The following COBLL1 variants were observed in gnomAD, a reference collection of about 807,000 sequenced individuals.
COBLL1 encodes cordon-bleu protein-like 1.
COBLL1 carries 50 observed loss-of-function variants against 94.8 expected under a neutral mutation model. The ratio of observed to expected loss-of-function variants is 0.53; its 90% CI spans 0.42 to 0.67. The LOEUF (loss-of-function observed/expected upper bound fraction) is 0.67, where lower values mean the gene tolerates loss of function less well. COBLL1 is among the 30% of genes least tolerant of loss of function. The probability of loss-of-function intolerance (pLI) is 0.00; values close to 1 mark genes in which losing one functional copy is unlikely to be tolerated. For missense variants in COBLL1, 1,362 were observed against 1,348.7 expected, an observed-to-expected ratio of 1.01 and a Z score of -0.15; for synonymous variants, 448 against 473.8, an observed-to-expected ratio of 0.95 and a Z score of 0.71.
Position 164,702,173 on chromosome 2 carries a change from A to G in COBLL1, c.1226-1417T>C, listed in dbSNP as rs187329072. Among the ~76,000 whole-genome samples, 415 of 152,270 alleles carry G rather than the reference A, an allele frequency of 2.7e-3. 1 individual carries two copies. Among genetic ancestry groups the G allele is most frequent in the African/African-American group, 9.5e-3 (396 of 41,556 alleles). ...GGTTTAAGTGAATATTCAAATGTAC[A>G]TATTTTGGCAAATGATGCTTTATTA... On this transcript the variant is annotated intron_variant, in intron 9 of 13. Coordinates refer to ENST00000652658, the MANE Select transcript of COBLL1 (RefSeq NM_001365672.2).
At chr2:164,745,413 C>T (rs1686812864) in intron 2 of COBLL1, among the ~76,000 whole-genome samples, 1 of 152,078 alleles carries the variant, frequency 6.6e-6, no homozygotes, top group Non-Finnish European at 1.5e-5. Context: ...AGAAGAATGC[C>T]CCCCAATTTC....
At chr2:164,688,289 G>C (rs1382211910) in intron 13 of COBLL1, among the ~76,000 whole-genome samples, 1 of 152,112 alleles carries the variant, frequency 6.6e-6, no homozygotes, top group Non-Finnish European at 1.5e-5. Flanking sequence ...GCCATCAATA[G>C]AATACTAGTT....
chr2:164,779,255 T>C (rs960588151), intron 2 of COBLL1, among the ~76,000 whole-genome samples: 1 of 152,136 alleles, frequency 6.6e-6, no homozygotes, highest in Non-Finnish European at 1.5e-5. Flanking sequence ...TTACCATAGA[T>C]CACAGGTTCT....
At chr2:164,818,637 T>G (rs1684991018) in intron 2 of COBLL1, among the ~76,000 whole-genome samples, 1 of 142,274 alleles carries the variant, frequency 7.0e-6, no homozygotes, top group South Asian at 2.1e-4. Flanking sequence ...GGCGTATATG[T>G]ACATATGTAA....
At chr2:164,765,187 G>C (rs1427086299) in intron 2 of COBLL1, among the ~76,000 whole-genome samples, 1 of 152,114 alleles carries the variant, frequency 6.6e-6, no homozygotes, top group Non-Finnish European at 1.5e-5. Flanking sequence ...CAGACATCAT[G>C]CGCTTCATGA....
chr2:164,763,255 C>T (rs1408852552), intron 2 of COBLL1, among the ~76,000 whole-genome samples: 3 of 151,682 alleles, frequency 2.0e-5, no homozygotes, highest in Non-Finnish European at 4.4e-5. Context: ...AAATATACTT[C>T]GTACGTATCA....
In COBLL1 at chr2:164,684,189, T is replaced by C. The variant is rs1361880669; in HGVS notation, c.*1757A>G. On this transcript the variant is annotated 3_prime_UTR_variant, in exon 14 of 14. Coordinates refer to ENST00000652658, the MANE Select transcript of COBLL1 (RefSeq NM_001365672.2). The stretch of plus-strand genomic sequence containing the variant: ...TATTTTTTTTCCATGTTTGTTGGCC[T>C]TTTGAATTTCCTCTTGTAAGAATAA... 2.0e-5 allele frequency: 3 copies of C among 152,144 alleles called. No homozygotes were observed. Among genetic ancestry groups the C allele is most frequent in the Non-Finnish European group, 4.4e-5 (3 of 68,006 alleles). 9.4% of individuals were successfully genotyped at this position (152,144 alleles called of 1,614,324 possible). A position where few individuals can be genotyped will look rare whatever the true frequency, so the allele number is the denominator to read the frequency against.
chr2:164,754,495 A>G (rs1246014295), intron 2 of COBLL1, among the ~76,000 whole-genome samples: 1 of 152,224 alleles, frequency 6.6e-6, no homozygotes, highest in Non-Finnish European at 1.5e-5. Context: ...TCTCAGGCCA[A>G]TAGTCACAAG....
chr2:164,686,764 A>G (rs2105407906), intron 13 of COBLL1, among the ~76,000 whole-genome samples: 1 of 152,288 alleles, frequency 6.6e-6, no homozygotes, highest in African/African-American at 2.4e-5. Flanking sequence ...TGAATAGTAA[A>G]TACCTATATT....
intron 2 of COBLL1, among the ~76,000 whole-genome samples, chr2:164,837,852 A>T (rs578065341): frequency 6.6e-6 from 1 of 152,306 alleles, no homozygotes; most frequent in South Asian, 2.1e-4. Context: ...ATACAGAACA[A>T]CAAATATAAA....
At chr2:164,736,968 A>AT (rs1366980914) in intron 3 of COBLL1, among the ~76,000 whole-genome samples, 1 of 152,178 alleles carries the variant, frequency 6.6e-6, no homozygotes, top group African/African-American at 2.4e-5. Context: ...TTTCTAAAAC[A>AT]TCTAACTATT....
chr2:164,790,764 GAAAGTTGTAAGACTCCAC>G (rs1559019202), intron 2 of COBLL1, among the ~76,000 whole-genome samples: 1 of 152,142 alleles, frequency 6.6e-6, no homozygotes, highest in African/African-American at 2.4e-5. Flanking sequence ...AGTAAAGAAA[GAAAGTTGTAAGACTCCAC>G]AAGGAACTCC....
At chr2:164,737,036 A>T (rs1686344673) in intron 3 of COBLL1, among the ~76,000 whole-genome samples, 1 of 152,140 alleles carries the variant, frequency 6.6e-6, no homozygotes, top group South Asian at 2.1e-4. Flanking sequence ...GGTGGCTCAC[A>T]TCTGTAATCC....
At chr2:164,801,438 CAAAAAAAAAAA>C (rs143505097) in intron 2 of COBLL1, among the ~76,000 whole-genome samples, 3 of 28,208 alleles carry the variant, frequency 1.1e-4, no homozygotes, top group East Asian at 1.3e-3. Flanking sequence ...GACTCCGTCT[CAAAAAAAAAAA>C]AAAAAAAAAA....
chr2:164,751,094 T>C (rs1272123644), intron 2 of COBLL1, among the ~76,000 whole-genome samples: 1 of 152,104 alleles, frequency 6.6e-6, no homozygotes, highest in Non-Finnish European at 1.5e-5. Flanking sequence ...GCCTGCTCCT[T>C]GAGGTCATTC....
At chr2:164,779,721 A>G (rs533539685) in intron 2 of COBLL1, 69 of 470,998 alleles carry the variant, frequency 1.5e-4, no homozygotes, top group Non-Finnish European at 2.6e-4. Flanking sequence ...CTCCAAACAG[A>G]GACCACACAG....
chr2:164,781,994 T>G (rs1342235240), intron 2 of COBLL1, among the ~76,000 whole-genome samples: 1 of 152,182 alleles, frequency 6.6e-6, no homozygotes, highest in Non-Finnish European at 1.5e-5. Flanking sequence ...GTTTTTTCTT[T>G]AGCCTCAGAG....
At chr2:164,763,003 A>G (rs1333459034) in intron 2 of COBLL1, among the ~76,000 whole-genome samples, 5 of 152,102 alleles carry the variant, frequency 3.3e-5, no homozygotes, top group Non-Finnish European at 5.9e-5. Context: ...CCCGCCTATC[A>G]TCCTTTTTTA....
chr2:164,764,970 T>TAGA (rs1401320406), intron 2 of COBLL1, among the ~76,000 whole-genome samples: 5 of 152,106 alleles, frequency 3.3e-5, no homozygotes, highest in Non-Finnish European at 7.4e-5. Flanking sequence ...AGGGTTTCCT[T>TAGA]TAAAGAATTC....
Sources: gnomAD v4.1 joint callset for allele counts (sites outside exome capture counted in the v4.1 genomes callset) on GRCh38, gnomAD v4.1.1 for gene constraint, MANE v1.5 for transcripts, NCBI Gene and HGNC (gene_info 2026-07-23, HGNC 2026-07-21) for gene names.